The following MCF2L variants were observed in gnomAD, a reference collection of about 807,000 sequenced individuals.
MCF2L encodes MCF.2 cell line derived transforming sequence like.
MCF2L carries 97 observed loss-of-function variants against 153.4 expected under a neutral mutation model. That is an observed-to-expected ratio of 0.63 (90% CI 0.54 to 0.75). MCF2L has a LOEUF of 0.75. Among genes scored for constraint, MCF2L ranks in the 30% least tolerant of loss-of-function variants. The pLI, the probability that MCF2L is intolerant of heterozygous loss-of-function variation, is 0.00. For synonymous variants in MCF2L, 659 were observed against 632.2 expected (o/e 1.04, Z -0.64); for missense variants, 1,347 against 1,495.2 (o/e 0.90, Z 1.64).
At chr13:113,026,342 C>T (rs1198184945) in intron 3 of MCF2L, among the ~76,000 whole-genome samples, 3 of 151,922 alleles carry the variant, frequency 2.0e-5, no homozygotes, top group Non-Finnish European at 2.9e-5. Context: ...TTGAGTTCCC[C>T]GTGGCTTTGC....
At chr13:112,958,269 G>C (rs1002727709) in intron 2 of MCF2L, 3 of 152,268 alleles carry the variant, frequency 2.0e-5, no homozygotes, top group Non-Finnish European at 4.4e-5. Context: ...TAATTGTGCG[G>C]CTGGCATGTC....
At chr13:112,955,705 C>A (rs1216476540) in intron 2 of MCF2L, among the ~76,000 whole-genome samples, 3 of 152,154 alleles carry the variant, frequency 2.0e-5, no homozygotes, top group Non-Finnish European at 4.4e-5. Context: ...GTTTCCATTC[C>A]CCAAAAGAGC....
In MCF2L at chr13:112,927,855, A is replaced by C. The variant is rs953127878; in HGVS notation, c.169+25484A>C. 2.6e-5 allele frequency among the ~76,000 whole-genome samples: 4 copies of C among 152,212 alleles called. No homozygotes were observed. In the East Asian group the frequency reaches 7.7e-4, roughly 29 times the overall value. Reference sequence around the variant, plus strand: ...CCTGGTTTCTCCAACAACAACAACAAAAATACAAAGAAAAGAGAATCAGCA... The same window carrying C: ...CCTGGTTTCTCCAACAACAACAACACAAATACAAAGAAAAGAGAATCAGCA... On this transcript the variant is annotated intron_variant, in intron 2 of 29. Transcript: ENST00000375608.
chr13:112,983,135 C>T lies in MCF2L; in HGVS notation c.79+13677C>T, dbSNP rs937515170. Among the ~76,000 whole-genome samples, 3 of 151,912 alleles carry T rather than the reference C, an allele frequency of 2.0e-5. No homozygotes were observed. Among genetic ancestry groups the T allele is most frequent in the Non-Finnish European group, 4.4e-5 (3 of 67,994 alleles). ...TGCGGCCCACGGGCTGTGGCAGGGA[C>T]GCAGCACTCAGCAGGTGCCTCAGGG... On this transcript the variant is annotated intron_variant, in intron 1 of 29. Transcript: ENST00000535094. This position sits in a 1 kb window ranked among gnomAD's most constrained non-coding sequence, Gnocchi z 4.0.
rs571913210 is a variant in MCF2L at position 112,943,665 on chromosome 13, C to CG, written c.169+41298dup. Among the ~76,000 whole-genome samples the CG allele has an allele frequency of 4.5e-3, 687 of 152,236 alleles. 3 individuals carry two copies. Among genetic ancestry groups the CG allele is most frequent in the African/African-American group, 0.016 (660 of 41,556 alleles). ...GGCCAGTCCCTTACCCGGGGACAGA[C>CG]GGGGAAGGCGGGAGCGCTCGCAGTT... On this transcript the variant is annotated intron_variant, in intron 2 of 29. Coordinates refer to the MCF2L transcript ENST00000375608. The surrounding 1 kb of genome is among the most constrained non-coding windows in gnomAD (Gnocchi z 4.2).
At chr13:113,014,675 G>A in intron 1 of MCF2L, 88 bp from the exon 2 acceptor site, 2 of 1,094,346 alleles carry the variant, frequency 1.8e-6, no homozygotes, top group Non-Finnish European at 2.8e-6. Context: ...GCCTGTGGAT[G>A]TGCCAGCTCC....
At chr13:112,997,051 T>C (rs763853019) in intron 1 of MCF2L, among the ~76,000 whole-genome samples, 12 of 152,250 alleles carry the variant, frequency 7.9e-5, no homozygotes, top group Non-Finnish European at 1.6e-4. Flanking sequence ...TCGCCTGCAC[T>C]GCTTTCCCAG....
Position 113,081,249 on chromosome 13 carries a change from C to A in MCF2L, c.1845C>A (p.Ala615=). The change falls in exon 16 of 30, where the codon GCC becomes GCA. Residue 615 remains alanine (A), a synonymous_variant. Coordinates refer to ENST00000535094, the MANE Select transcript of MCF2L (RefSeq NM_001112732.3). ...GCGAGCTCCTGGACACAGAACGGGC[C>A]TACGTGGAGGAGCTGCTGTGCGTCC... The part of the protein sequence containing the change: ...VMSELLDTER[A]YVEELLCVLE... 6.3e-7 allele frequency: 1 copy of A among 1,592,912 alleles called. No individual in the cohort carries two copies. The highest frequency in any genetic ancestry group is 8.5e-7 in the Non-Finnish European group (1 of 1,170,816).
intron 3 of MCF2L, chr13:113,040,814 T>TGG (rs2086439020): frequency 6.6e-6 from 1 of 152,206 alleles, no homozygotes; most frequent in African/African-American, 2.4e-5. Flanking sequence ...TCCCTCACGC[T>TGG]CTGCTCCTGT....
intron 2 of MCF2L, among the ~76,000 whole-genome samples, chr13:112,915,410 C>CAAGAAAAAAAAAAAAAAAAAAA (rs2081281406): frequency 1.2e-5 from 1 of 86,924 alleles, no homozygotes; most frequent in Non-Finnish European, 2.1e-5. Flanking sequence ...CTCTGTCTCA[C>CAAGAAAAAAAAAAAAAAAAAAA]AAAAAAAAAA....
chr13:112,994,507 G>A (rs2083037739), intron 1 of MCF2L, among the ~76,000 whole-genome samples: 1 of 152,262 alleles, frequency 6.6e-6, no homozygotes, highest in Non-Finnish European at 1.5e-5. Context: ...GTGTGTGAGA[G>A]TGGGGAAAAT....
At chr13:112,980,093 C>T (rs573826998) in intron 1 of MCF2L, among the ~76,000 whole-genome samples, 10 of 152,240 alleles carry the variant, frequency 6.6e-5, no homozygotes, top group Non-Finnish European at 8.8e-5. Context: ...CGGGCACACG[C>T]GGTCTGTGGG....
At chr13:113,096,191 C>T (rs2035635988) in intron 27 of MCF2L, 180 bp from the exon 28 acceptor site, 2 of 610,034 alleles carry the variant, frequency 3.3e-6, no homozygotes, top group South Asian at 2.0e-5. Flanking sequence ...ATCGCCGCTG[C>T]GGTAGTCATG....
chr13:112,894,867 A>G (rs1028848504), intron 1 of MCF2L, among the ~76,000 whole-genome samples: 1 of 151,610 alleles, frequency 6.6e-6, no homozygotes, highest in Non-Finnish European at 1.5e-5. Flanking sequence ...TGTCCAGGAC[A>G]GCGCCTAGGG....
chr13:113,053,561 G>A lies in MCF2L; in HGVS notation c.370-7032G>A, dbSNP rs1382316874. On this transcript the variant is annotated intron_variant, in intron 4 of 29. Coordinates refer to ENST00000535094, the MANE Select transcript of MCF2L (RefSeq NM_001112732.3). The surrounding 1 kb of genome is among the most constrained non-coding windows in gnomAD (Gnocchi z 4.4). ...GGCGTCCGGATTTCCCCAGGAGAAG[G>A]TGCCTCTCCTCTTGGTAATCAGTGG... Among the ~76,000 whole-genome samples, 1 of 152,178 alleles carries A rather than the reference G, an allele frequency of 6.6e-6. No individual in the cohort carries two copies. Among genetic ancestry groups the A allele is most frequent in the Non-Finnish European group, 1.5e-5 (1 of 68,038 alleles).
intron 1 of MCF2L, among the ~76,000 whole-genome samples, chr13:112,971,873 T>C (rs2140829578): frequency 6.6e-6 from 1 of 152,338 alleles, no homozygotes; most frequent in East Asian, 1.9e-4. Flanking sequence ...GGTGAAAAGG[T>C]AGAAGACATT....
intron 2 of MCF2L, 59 bp downstream of exon 2, chr13:113,014,905 C>G (rs75491335): frequency 1.3e-6 from 2 of 1,522,376 alleles, no homozygotes; most frequent in Non-Finnish European, 1.8e-6. Flanking sequence ...GGGTGTGGGC[C>G]GAGCAGCCCC....
Position 113,045,346 on chromosome 13 carries a change from C to T in MCF2L, c.354C>T (p.Ser118=), listed in dbSNP as rs766380409. ...RRDKWTSVKA[S]VLRIAASFPA... ...ACAAATGGACCTCCGTGAAGGCGTC[C>T]GTCCTGCGCATCGCAGTAAGTGCCA... The change falls in exon 4 of 30, where the codon TCC becomes TCT. Residue 118 remains serine (S), a synonymous_variant. Transcript: ENST00000535094. This position sits in a 1 kb window ranked among gnomAD's most constrained non-coding sequence, Gnocchi z 4.2. The T allele has an allele frequency of 7.4e-6, 12 of 1,613,840 alleles. No homozygotes were observed. In the African/African-American group the frequency reaches 8.0e-5, roughly 11 times the overall value.
At position 113,045,515 on chromosome 13, in the gene MCF2L, C is replaced by A. The variant is rs2086758843; in HGVS notation, c.369+154C>A. 2.9e-5 allele frequency: 19 copies of A among 659,208 alleles called. No homozygotes were observed. The South Asian group carries it at 3.1e-4, about 11-fold the overall frequency. The allele number at this position is 659,208 out of a possible 1,614,324, so 40.8% of individuals were successfully genotyped here. ...GGTGGAGGCCGGCGCCAAGGCCCCC[C>A]CTGCTTGGGCTCCCAAGGCACTGGT... On this transcript the variant is annotated intron_variant, in intron 4 of 29. Transcript: ENST00000535094. This position sits in a 1 kb window ranked among gnomAD's most constrained non-coding sequence, Gnocchi z 4.2.
Sources: allele counts gnomAD v4.1 joint callset (sites outside exome capture counted in the v4.1 genomes callset), GRCh38; gene constraint gnomAD v4.1.1; non-coding constraint Gnocchi (gnomAD v3.1); transcripts MANE v1.5; gene names NCBI Gene and HGNC (gene_info 2026-07-23, HGNC 2026-07-21).